The following SCFD2 variants were observed in gnomAD, a reference collection of about 807,000 sequenced individuals.
SCFD2 encodes the protein sec1 family domain containing 2, also known as sec1 family domain-containing protein 2.
In SCFD2, 54 loss-of-function variants were observed where a neutral mutation model predicts 58.9. That is an observed-to-expected ratio of 0.92 (90% CI 0.74 to 1.15). The LOEUF is 1.15. SCFD2 is among the 50% of genes most tolerant of loss of function. SCFD2 has a pLI of 0.00. For synonymous variants in SCFD2, 321 were observed against 335.9 expected (o/e 0.96, Z 0.49); for missense variants, 805 against 836.6 (o/e 0.96, Z 0.47).
intron 2 of SCFD2, among the ~76,000 whole-genome samples, chr4:53,322,435 C>T (rs1733053880): frequency 6.6e-6 from 1 of 152,112 alleles, no homozygotes; most frequent in African/African-American, 2.4e-5. Context: ...AAATAATCCA[C>T]CCTTAAAAAA....
intron 5 of SCFD2, among the ~76,000 whole-genome samples, chr4:53,056,105 T>C (rs534985044): frequency 6.0e-5 from 9 of 150,866 alleles, no homozygotes; most frequent in Admixed American, 5.9e-4. Flanking sequence ...TTCCAGGGTG[T>C]CCTGTGACTT....
intron 2 of SCFD2, among the ~76,000 whole-genome samples, chr4:53,332,756 G>C (rs1430371063): frequency 2.6e-5 from 4 of 151,684 alleles, no homozygotes; most frequent in Admixed American, 2.0e-4. Context: ...AGGGCAATTA[G>C]GCAGGAGAAG....
intron 5 of SCFD2, among the ~76,000 whole-genome samples, chr4:53,062,817 G>A (rs911232973): frequency 6.6e-6 from 1 of 152,122 alleles, no homozygotes. Context: ...GAGAGGAGAT[G>A]CAAATCACAT....
intron 7 of SCFD2, among the ~76,000 whole-genome samples, chr4:52,896,024 G>C (rs907957145): frequency 2.6e-5 from 4 of 151,996 alleles, no homozygotes; most frequent in African/African-American, 7.3e-5. Context: ...TTTTTTTCTT[G>C]TAAATTTGTT....
At chr4:53,143,795 TACACACAC>T (rs113492027) in intron 5 of SCFD2, among the ~76,000 whole-genome samples, 28 of 146,656 alleles carry the variant, frequency 1.9e-4, no homozygotes, top group Non-Finnish European at 3.1e-4. Flanking sequence ...CACCTAAACA[TACACACAC>T]ACACACACAC....
chr4:53,318,559 A>T (rs1190457462), intron 2 of SCFD2, among the ~76,000 whole-genome samples: 4 of 152,184 alleles, frequency 2.6e-5, no homozygotes, highest in Non-Finnish European at 4.4e-5. Flanking sequence ...AATATTCCTG[A>T]GAAAAACACT....
intron 5 of SCFD2, among the ~76,000 whole-genome samples, chr4:52,954,135 G>A (rs1720659973): frequency 6.6e-6 from 1 of 152,218 alleles, no homozygotes; most frequent in African/African-American, 2.4e-5. Flanking sequence ...ATCTAAGCAT[G>A]AGCTGCTCCC....
chr4:53,223,306 T>C (rs149469304), intron 4 of SCFD2, among the ~76,000 whole-genome samples: 1 of 152,292 alleles, frequency 6.6e-6, no homozygotes, highest in African/African-American at 2.4e-5. Context: ...CAGGAACAGA[T>C]AGTAAGATTG....
chr4:53,075,397 A>C (rs1723943404), intron 5 of SCFD2, among the ~76,000 whole-genome samples: 1 of 152,194 alleles, frequency 6.6e-6, no homozygotes, highest in Admixed American at 6.5e-5. Context: ...TTGTGTGTTC[A>C]CCGGAGGAGC....
chr4:53,162,609 T>C (rs1475815735), intron 4 of SCFD2, among the ~76,000 whole-genome samples: 2 of 152,078 alleles, frequency 1.3e-5, no homozygotes, highest in African/African-American at 4.8e-5. Flanking sequence ...TGTTGTTTCC[T>C]GACTTTTTAA....
intron 5 of SCFD2, among the ~76,000 whole-genome samples, chr4:53,055,137 T>G (rs1164744521): frequency 6.6e-6 from 1 of 152,206 alleles, no homozygotes; most frequent in East Asian, 1.9e-4. Context: ...CTAGGCAATT[T>G]GCATTCGTTA....
At chr4:53,030,794 C>T (rs1442264795) in intron 5 of SCFD2, among the ~76,000 whole-genome samples, 6 of 152,094 alleles carry the variant, frequency 3.9e-5, no homozygotes, top group East Asian at 1.9e-4. Context: ...TGAACATTCA[C>T]CCAAGTGAAA....
intron 5 of SCFD2, among the ~76,000 whole-genome samples, chr4:53,019,956 G>C (rs1266884229): frequency 6.6e-6 from 1 of 152,104 alleles, no homozygotes; most frequent in Non-Finnish European, 1.5e-5. Context: ...ACAAGCGTCT[G>C]GTGAGTCAAT....
chr4:53,062,415 T>C (rs1041112963), intron 5 of SCFD2, among the ~76,000 whole-genome samples: 1 of 151,592 alleles, frequency 6.6e-6, no homozygotes, highest in Non-Finnish European at 1.5e-5. Flanking sequence ...ATAATAATAA[T>C]AGTCTCTCAT....
chr4:53,181,073 G>C (rs1034738845), intron 4 of SCFD2, among the ~76,000 whole-genome samples: 1 of 152,126 alleles, frequency 6.6e-6, no homozygotes, highest in Non-Finnish European at 1.5e-5. Flanking sequence ...TCCACCAGAG[G>C]TACAAAGAGG....
chr4:52,955,833 G>A (rs761201965), intron 5 of SCFD2: 1 of 344,102 alleles, frequency 2.9e-6, no homozygotes, highest in Non-Finnish European at 5.7e-6. Context: ...CAGTAATAAT[G>A]ATTTGGGGCT....
At chr4:53,260,754 G>A (rs910119499) in intron 4 of SCFD2, among the ~76,000 whole-genome samples, 4 of 152,062 alleles carry the variant, frequency 2.6e-5, no homozygotes, top group African/African-American at 9.7e-5. Flanking sequence ...GAATGATTTA[G>A]GGGGGATTCC....
intron 2 of SCFD2, among the ~76,000 whole-genome samples, chr4:53,319,050 T>C (rs1732946532): frequency 6.6e-6 from 1 of 152,240 alleles, no homozygotes; most frequent in African/African-American, 2.4e-5. Context: ...GCTTATATTA[T>C]GCAAATCATC....
chr4:53,289,693 AAAC>A (rs985880848), intron 3 of SCFD2, among the ~76,000 whole-genome samples: 1 of 152,142 alleles, frequency 6.6e-6, no homozygotes, highest in African/African-American at 2.4e-5. Context: ...GCTGAATGGA[AAAC>A]AACAACAACA....
Sources: gnomAD v4.1 joint callset for allele counts (sites outside exome capture counted in the v4.1 genomes callset) on GRCh38, gnomAD v4.1.1 for gene constraint, MANE v1.5 for transcripts, NCBI Gene and HGNC (gene_info 2026-07-23, HGNC 2026-07-21) for gene names.